Variants in SLC12A7 observed in about 807,000 individuals in gnomAD.
SLC12A7 encodes the protein K-Cl cotransporter 4.
In SLC12A7, 100 loss-of-function variants were observed where a neutral mutation model predicts 120.6. The observed-to-expected ratio is 0.83, with a 90% confidence interval of 0.71 to 0.98. The LOEUF (loss-of-function observed/expected upper bound fraction) is 0.98. Among genes scored for constraint, SLC12A7 ranks in the 50% least tolerant of loss-of-function variants. The pLI is 0.00. For synonymous variants in SLC12A7, 760 were observed against 678.0 expected (o/e 1.12, Z -1.88); for missense variants, 1,373 against 1,548.1 (o/e 0.89, Z 1.90).
At chr5:1,079,975 T>G (rs1253620641) in intron 9 of SLC12A7, among the ~76,000 whole-genome samples, 1 of 152,186 alleles carries the variant, frequency 6.6e-6, no homozygotes, top group African/African-American at 2.4e-5. Context: ...CGGGGATGTT[T>G]CCACACAATC....
At chr5:1,112,131 CCCCGCGGCCCCACGAAAAGTTGG>C (rs1425780040), upstream of SLC12A7, 3 of 996,026 alleles carry the variant, frequency 3.0e-6, no homozygotes, top group Non-Finnish European at 3.8e-6. Context: ...CACCTGCTTG[CCCCGCGGCCCCACGAAAAGTTGG>C]CCCGCGGCGA....
In SLC12A7 at chr5:1,065,408, C is replaced by T. The variant is rs139369204; in HGVS notation, c.2312G>A (p.Arg771Gln). ...FCQLVVSSSL[R>Q]DGMSHLIQSA... ...CTGGATCAGGTGGGACATGCCATCC[C>T]GCAGGCTGGACGAGACCACCAGCTG... The change falls in exon 18 of 24, where the codon CGG (arginine) becomes CAG (glutamine). Residue 771 changes from arginine (R) to glutamine (Q), a missense_variant. Physicochemically the swap from Arg to Gln is conservative, Grantham distance 43. Coordinates refer to ENST00000264930, the MANE Select transcript of SLC12A7 (RefSeq NM_006598.3). 76 of 1,612,496 alleles carry T rather than the reference C, an allele frequency of 4.7e-5. No homozygotes were observed. The highest frequency in any genetic ancestry group is 4.3e-4 in the African/African-American group (32 of 75,026).
intron 3 of SLC12A7, among the ~76,000 whole-genome samples, chr5:1,089,502 G>C (rs1312907500): frequency 1.3e-5 from 2 of 151,862 alleles, no homozygotes; most frequent in Non-Finnish European, 1.5e-5. Context: ...TGACACCCTG[G>C]GAGAGCCTGA....
rs1735097330 is a variant in SLC12A7 at position 1,052,090 on chromosome 5, G to A, written c.*270C>T. On this transcript the variant is annotated 3_prime_UTR_variant, in exon 24 of 24. Coordinates refer to ENST00000264930, the MANE Select transcript of SLC12A7 (RefSeq NM_006598.3). ...TTCTTGTGACCTGCGAGAAGATCTG[G>A]CCACGTCCAGGTCACTCCGGTAGCA... 7.8e-6 allele frequency: 4 copies of A among 515,408 alleles called. No individual in the cohort carries two copies. The highest frequency in any genetic ancestry group is 1.4e-5 in the Non-Finnish European group (4 of 290,566). 31.9% of individuals were successfully genotyped at this position (515,408 alleles called of 1,614,324 possible).
At chr5:1,073,964 G>C (rs981399760) in intron 16 of SLC12A7, among the ~76,000 whole-genome samples, 163 bp from the exon 17 acceptor site, 1 of 152,156 alleles carries the variant, frequency 6.6e-6, no homozygotes, top group African/African-American at 2.4e-5. Context: ...AGATGGGATG[G>C]GGAAACGTGA....
chr5:1,075,955 T>C (rs1207115941), intron 14 of SLC12A7, 183 bp downstream of exon 14: 3 of 586,546 alleles, frequency 5.1e-6, no homozygotes, highest in Non-Finnish European at 6.0e-6. Flanking sequence ...AGGGGCTTAC[T>C]CCGCAAAGGA....
chr5:1,094,211 G>A lies in SLC12A7; in HGVS notation c.162C>T (p.Asn54=), dbSNP rs202039881. The part of the protein sequence containing the change: ...GNPRENSPFL[N]NVEVEQESFF... ...AGCTCTCTTGTTCCACCTCGACATT[G>A]TTGAGGAATGGGCTGTTTTCTCTTG... Residue 54 remains asparagine, a synonymous_variant, in exon 2 of 24, where the codon AAC becomes AAT. Coordinates refer to ENST00000264930, the MANE Select transcript of SLC12A7 (RefSeq NM_006598.3). 8.1e-6 allele frequency: 13 copies of A among 1,613,462 alleles called. No homozygotes were observed. The East Asian group carries it at 1.6e-4, about 19-fold the overall frequency.
intron 7 of SLC12A7, among the ~76,000 whole-genome samples, chr5:1,084,388 C>T (rs1046721901): frequency 9.2e-5 from 14 of 152,200 alleles, no homozygotes; most frequent in Admixed American, 6.5e-4. Context: ...ACGCTGCAGC[C>T]GCTCCCTCCC....
chr5:1,130,679 T>C, the SLC12A7 span, among the ~76,000 whole-genome samples: 1 of 146,100 alleles, frequency 6.8e-6, no homozygotes, highest in Non-Finnish European at 1.5e-5. Flanking sequence ...GGTGCACCTG[T>C]GCCTGCCCAG....
chr5:1,132,278 G>C, the SLC12A7 span, among the ~76,000 whole-genome samples: 4 of 152,174 alleles, frequency 2.6e-5, no homozygotes, highest in Non-Finnish European at 5.9e-5. Context: ...GGCCTAAAAA[G>C]GGGAGGAGCC....
chr5:1,117,655 G>C, the SLC12A7 span, among the ~76,000 whole-genome samples: 1 of 152,114 alleles, frequency 6.6e-6, no homozygotes, highest in East Asian at 1.9e-4. This position sits in a 1 kb window ranked among gnomAD's most constrained non-coding sequence, Gnocchi z 4.5. Flanking sequence ...ATCTGATCTT[G>C]TGACCCCCAC....
At chr5:1,136,115 A>G in the SLC12A7 span, among the ~76,000 whole-genome samples, 1 of 152,186 alleles carries the variant, frequency 6.6e-6, no homozygotes, top group Non-Finnish European at 1.5e-5. Context: ...ATGGAAGAGG[A>G]GACTGCGGAG....
At chr5:1,105,313 T>G (rs1242907132) in intron 1 of SLC12A7, among the ~76,000 whole-genome samples, 2 of 145,716 alleles carry the variant, frequency 1.4e-5, no homozygotes. Context: ...AAAAGGACCC[T>G]CCCCGCAGGG....
Position 1,079,426 on chromosome 5 carries a change from G to A in SLC12A7, c.1368C>T (p.Ile456=), listed in dbSNP as rs773750502. 11 of 1,612,636 alleles carry A rather than the reference G, an allele frequency of 6.8e-6. No individual in the cohort carries two copies. Among genetic ancestry groups the A allele is most frequent in the African/African-American group, 1.3e-5 (1 of 74,924 alleles). Residue 456 remains isoleucine, a synonymous_variant, in exon 10 of 24, where the codon ATC becomes ATT. Transcript: ENST00000264930. ...DAQKSIPTGT[I]LAIVTTSFIY... ...TGAAAGACGTCGTCACTATGGCCAGGATGGTCCCCGTGGGGATGGACTTCT... is the reference window on the plus strand; with the variant it reads ...TGAAAGACGTCGTCACTATGGCCAGAATGGTCCCCGTGGGGATGGACTTCT...
chr5:1,091,734 C>T (rs577090738), intron 3 of SLC12A7, among the ~76,000 whole-genome samples: 63 of 151,030 alleles, frequency 4.2e-4, no homozygotes, highest in Non-Finnish European at 7.7e-4. Flanking sequence ...CGTCCACGTG[C>T]GGCACGGCAA....
chr5:1,138,603 T>G, the SLC12A7 span, among the ~76,000 whole-genome samples: 2 of 152,218 alleles, frequency 1.3e-5, no homozygotes, highest in African/African-American at 4.8e-5. Flanking sequence ...TCACATAAAC[T>G]GGGGCGACTT....
intron 1 of SLC12A7, among the ~76,000 whole-genome samples, chr5:1,111,476 G>C (rs931020275): frequency 6.6e-5 from 10 of 152,222 alleles, no homozygotes; most frequent in Non-Finnish European, 1.3e-4. Context: ...GGGAGAGCGC[G>C]GGGGACGCAG....
chr5:1,125,917 C>A, the SLC12A7 span, among the ~76,000 whole-genome samples: 3 of 121,374 alleles, frequency 2.5e-5, no homozygotes, highest in South Asian at 8.7e-4. Flanking sequence ...GTGCCAGGCC[C>A]TGCCTCAAAA....
At chr5:1,116,005 G>A (rs1743307299), upstream of SLC12A7, among the ~76,000 whole-genome samples, 3 of 151,934 alleles carry the variant, frequency 2.0e-5, no homozygotes, top group South Asian at 6.2e-4. Flanking sequence ...GGAGGAAGCA[G>A]AGTCTCCGGC....
Sources: allele counts gnomAD v4.1 joint callset (sites outside exome capture counted in the v4.1 genomes callset), GRCh38; gene constraint gnomAD v4.1.1; non-coding constraint Gnocchi (gnomAD v3.1); transcripts MANE v1.5; gene names NCBI Gene and HGNC (gene_info 2026-07-23, HGNC 2026-07-21).